Variants in HCN1 observed in about 807,000 individuals in gnomAD.
HCN1 encodes the protein potassium/sodium hyperpolarization-activated cyclic nucleotide-gated channel 1.
A neutral mutation model predicts 78.9 loss-of-function variants in HCN1; 13 were observed. The ratio of observed to expected loss-of-function variants is 0.16; its 90% CI spans 0.11 to 0.26. HCN1 has a LOEUF of 0.26. Ranked by LOEUF, HCN1 falls within the 10% of genes least tolerant of loss-of-function variation. The pLI, the probability that HCN1 is intolerant of heterozygous loss-of-function variation, is 1.00. For synonymous variants in HCN1, 552 were observed against 455.5 expected (o/e 1.21, Z -2.70); for missense variants, 810 against 1,154.3 (o/e 0.70, Z 4.32).
In HCN1 at chr5:45,512,211, A is replaced by T. The variant is rs144797107; in HGVS notation, c.850-50204T>A. On this transcript the variant is annotated intron_variant, in intron 2 of 7. Transcript: ENST00000303230. ...TTCAATCACATTTAATTCATTTTAC[A>T]TATTCCACTAGTCAAAATAATTTTT... Among the ~76,000 whole-genome samples the T allele has an allele frequency of 5.1e-3, 780 of 152,196 alleles. 10 individuals carry two copies. The highest frequency in any genetic ancestry group is 0.017 in the African/African-American group (694 of 41,552).
At chr5:45,574,508 G>A (rs1743899673) in intron 2 of HCN1, 1 of 151,836 alleles carries the variant, frequency 6.6e-6, no homozygotes, top group African/African-American at 2.4e-5. Flanking sequence ...CCTTCCTTAA[G>A]GACTCCTTAT....
At chr5:45,301,644 C>A (rs1004606922) in intron 6 of HCN1, among the ~76,000 whole-genome samples, 4 of 150,750 alleles carry the variant, frequency 2.7e-5, no homozygotes, top group African/African-American at 9.8e-5. Context: ...ATCACTTGAG[C>A]CTGCAGAGCA....
chr5:45,408,751 G>C (rs2112053495), intron 3 of HCN1, among the ~76,000 whole-genome samples: 1 of 152,250 alleles, frequency 6.6e-6, no homozygotes, highest in Admixed American at 6.5e-5. Context: ...TGGCATTCTT[G>C]AAGTGTTTAA....
chr5:45,300,895 C>A (rs1439492299), intron 6 of HCN1, among the ~76,000 whole-genome samples: 2 of 151,992 alleles, frequency 1.3e-5, no homozygotes, highest in East Asian at 1.9e-4. Flanking sequence ...GGCTAAGGGG[C>A]CAATGAGACA....
At chr5:45,317,757 T>C (rs371961999) in intron 5 of HCN1, among the ~76,000 whole-genome samples, 4 of 152,016 alleles carry the variant, frequency 2.6e-5, no homozygotes, top group Non-Finnish European at 5.9e-5. Flanking sequence ...GGGCGAAGGA[T>C]ATGAACAGAC....
At chr5:45,519,177 C>T (rs1742569755) in intron 2 of HCN1, among the ~76,000 whole-genome samples, 1 of 151,846 alleles carries the variant, frequency 6.6e-6, no homozygotes, top group Non-Finnish European at 1.5e-5. Context: ...ACAACAACAA[C>T]AAAAAGTCTG....
intron 2 of HCN1, among the ~76,000 whole-genome samples, chr5:45,588,955 G>C (rs148646231): frequency 5.4e-4 from 82 of 152,310 alleles, no homozygotes; most frequent in African/African-American, 1.6e-3. Context: ...GCAGAAAGAA[G>C]AGATTATGAT....
At chr5:45,393,517 T>A (rs943028576) in intron 4 of HCN1, among the ~76,000 whole-genome samples, 1 of 152,146 alleles carries the variant, frequency 6.6e-6, no homozygotes. Context: ...ATGGTCATCA[T>A]GGAGAATTTG....
chr5:45,626,915 A>C (rs532203317), intron 2 of HCN1, among the ~76,000 whole-genome samples: 42 of 152,162 alleles, frequency 2.8e-4, no homozygotes, highest in Non-Finnish European at 5.6e-4. Context: ...TGTGACATAC[A>C]TATGTATATG....
intron 5 of HCN1, among the ~76,000 whole-genome samples, chr5:45,337,566 T>G (rs1226288772): frequency 6.6e-6 from 1 of 152,148 alleles, no homozygotes; most frequent in African/African-American, 2.4e-5. Context: ...TATTAATTTT[T>G]TCCACGAAGT....
At chr5:45,638,838 G>A (rs371413759) in intron 2 of HCN1, among the ~76,000 whole-genome samples, 13 of 152,292 alleles carry the variant, frequency 8.5e-5, no homozygotes, top group African/African-American at 1.4e-4. Context: ...GGAGGCAGAG[G>A]TTGCAGTGAG....
rs529092429 is a variant in HCN1 at position 45,633,270 on chromosome 5, T to C, written c.849+11915A>G. Among the ~76,000 whole-genome samples, 14 of 152,122 alleles carry C rather than the reference T, an allele frequency of 9.2e-5. No individual in the cohort carries two copies. The South Asian group carries it at 2.9e-3, about 32-fold the overall frequency. ...TATATTCTAGCATAAGGAAGTTATT[T>C]TGCAATCTCAAAAGCATATTAATAT... On this transcript the variant is annotated intron_variant, in intron 2 of 7. Coordinates refer to ENST00000303230, the MANE Select transcript of HCN1 (RefSeq NM_021072.4).
chr5:45,420,353 T>G (rs1740202776), intron 3 of HCN1, among the ~76,000 whole-genome samples: 1 of 152,150 alleles, frequency 6.6e-6, no homozygotes, highest in Non-Finnish European at 1.5e-5. Context: ...GATTTATACA[T>G]TTTGGAAGAA....
chr5:45,319,071 AATTT>A (rs1746067505), intron 5 of HCN1, among the ~76,000 whole-genome samples: 1 of 151,948 alleles, frequency 6.6e-6, no homozygotes, highest in African/African-American at 2.4e-5. Flanking sequence ...GTTATACTAC[AATTT>A]ATTTATCCAT....
intron 6 of HCN1, among the ~76,000 whole-genome samples, chr5:45,280,644 A>G (rs987987266): frequency 3.9e-5 from 6 of 152,136 alleles, no homozygotes; most frequent in Non-Finnish European, 7.4e-5. Flanking sequence ...TATCTTCATA[A>G]ACTCTGCTCT....
chr5:45,467,369 G>C (rs947921330), intron 2 of HCN1, among the ~76,000 whole-genome samples: 3 of 151,960 alleles, frequency 2.0e-5, no homozygotes, highest in Non-Finnish European at 2.9e-5. Flanking sequence ...TTTTCTTAAT[G>C]TTCATTCTAT....
intron 2 of HCN1, among the ~76,000 whole-genome samples, chr5:45,551,681 T>A: frequency 6.6e-6 from 1 of 151,966 alleles, no homozygotes; most frequent in Non-Finnish European, 1.5e-5. Flanking sequence ...TACTTAGCAG[T>A]AATACCTGTT....
chr5:45,370,701 G>A (rs1747336387), intron 4 of HCN1, among the ~76,000 whole-genome samples: 1 of 151,780 alleles, frequency 6.6e-6, no homozygotes, highest in Admixed American at 6.6e-5. Flanking sequence ...AATGCCATAA[G>A]GCCACAGAGC....
intron 5 of HCN1, among the ~76,000 whole-genome samples, chr5:45,313,379 C>T (rs1745901722): frequency 6.6e-6 from 1 of 152,076 alleles, no homozygotes; most frequent in Non-Finnish European, 1.5e-5. Context: ...TCACCATCAT[C>T]AAAGACCAAA....
Sources: allele counts gnomAD v4.1 joint callset (sites outside exome capture counted in the v4.1 genomes callset), GRCh38; gene constraint gnomAD v4.1.1; transcripts MANE v1.5; gene names NCBI Gene and HGNC (gene_info 2026-07-23, HGNC 2026-07-21).